RORA: variants seen among roughly 807,000 people sequenced by gnomAD.
The protein encoded by RORA is RAR related orphan receptor A, also known as nuclear receptor ROR-alpha.
A neutral mutation model predicts 69.5 loss-of-function variants in RORA; 7 were observed. The ratio of observed to expected loss-of-function variants is 0.10; its 90% confidence interval spans 0.06 to 0.19. The LOEUF (loss-of-function observed/expected upper bound fraction) is 0.19. Ranked by LOEUF, RORA falls within the 10% of genes least tolerant of loss-of-function variation. The probability of loss-of-function intolerance (pLI) is 1.00; values close to 1 mark genes in which losing one functional copy is unlikely to be tolerated. For synonymous variants in RORA, 261 were observed against 240.8 expected (o/e 1.08, Z -0.78); for missense variants, 457 against 663.0 (o/e 0.69, Z 3.41).
rs1018559394 is a variant in RORA at position 61,120,872 on chromosome 15, G to A, written c.166+108181C>T. Among the ~76,000 whole-genome samples, 2 of 150,792 alleles carry A rather than the reference G, an allele frequency of 1.3e-5. 1 individual carries two copies. Among genetic ancestry groups the A allele is most frequent in the Non-Finnish European group, 2.9e-5 (2 of 67,804 alleles). ...TTTTTATTATTTTTTTTTTGAGATC[G>A]AGTCTCGCTTTGTCTCCCAGGATGG... On this transcript the variant is annotated intron_variant, in intron 1 of 10. Transcript: ENST00000335670.
At chr15:60,659,574 T>C (rs919397479) in intron 2 of RORA, among the ~76,000 whole-genome samples, 2 of 152,194 alleles carry the variant, frequency 1.3e-5, no homozygotes, top group Non-Finnish European at 2.9e-5. Context: ...ATAATTTACA[T>C]AGCAATGCAT....
intron 1 of RORA, among the ~76,000 whole-genome samples, chr15:61,095,614 T>C (rs117013388): frequency 0.013 from 1,992 of 152,340 alleles, 20 homozygotes; most frequent in Non-Finnish European, 0.02. Flanking sequence ...ACACAAAATC[T>C]AAAAGTATAT....
Position 61,100,871 on chromosome 15 carries a change from T to C in RORA, c.166+128182A>G, listed in dbSNP as rs116088620. Among the ~76,000 whole-genome samples the C allele has an allele frequency of 9.0e-3, 1,365 of 152,304 alleles. 18 individuals carry two copies. The highest frequency in any genetic ancestry group is 0.032 in the African/African-American group (1,315 of 41,550). ...ATGTTGATTCTTACCAGCTTTAATT[T>C]CAGAAAATTATACTACCTGGAACAC... On this transcript the variant is annotated intron_variant, in intron 1 of 10. Coordinates refer to ENST00000335670, the MANE Select transcript of RORA (RefSeq NM_134261.3).
At chr15:60,501,615 G>A (rs956263837) in intron 8 of RORA, among the ~76,000 whole-genome samples, 1 of 152,166 alleles carries the variant, frequency 6.6e-6, no homozygotes, top group East Asian at 1.9e-4. Context: ...TATTCTAACT[G>A]ATATGTTAAA....
chr15:61,115,882 G>A (rs1032093110), intron 1 of RORA, among the ~76,000 whole-genome samples: 2 of 152,196 alleles, frequency 1.3e-5, no homozygotes, highest in Non-Finnish European at 2.9e-5. Flanking sequence ...GGTGAGTCAT[G>A]AGCTGTGTTT....
intron 1 of RORA, among the ~76,000 whole-genome samples, chr15:60,999,894 T>C (rs1894691858): frequency 6.6e-6 from 1 of 152,208 alleles, no homozygotes; most frequent in Non-Finnish European, 1.5e-5. Context: ...AAACAGACTT[T>C]GCATGTGAAA....
intron 1 of RORA, among the ~76,000 whole-genome samples, chr15:61,023,273 A>G (rs900249613): frequency 1.1e-4 from 16 of 150,864 alleles, no homozygotes; most frequent in African/African-American, 2.2e-4. Flanking sequence ...GAGACTGGGG[A>G]AAAAAAGAGG....
At chr15:60,977,376 A>T (rs1893906434) in intron 1 of RORA, among the ~76,000 whole-genome samples, 1 of 152,166 alleles carries the variant, frequency 6.6e-6, no homozygotes, top group Non-Finnish European at 1.5e-5. Flanking sequence ...ATGTTATGCT[A>T]AAAACAAATT....
chr15:60,957,330 A>G (rs971498534), intron 1 of RORA, among the ~76,000 whole-genome samples: 1 of 152,198 alleles, frequency 6.6e-6, no homozygotes. Context: ...CAGCAACCAC[A>G]TTCAGGAACT....
chr15:60,715,475 G>A (rs371931232), intron 1 of RORA, among the ~76,000 whole-genome samples: 2 of 152,150 alleles, frequency 1.3e-5, no homozygotes, highest in South Asian at 2.1e-4. Flanking sequence ...CATGACAGAC[G>A]TTCCTTGGAG....
At chr15:60,826,787 CTCTT>C (rs773442072) in intron 1 of RORA, among the ~76,000 whole-genome samples, 49 of 93,358 alleles carry the variant, frequency 5.2e-4, no homozygotes, top group Middle Eastern at 0.012. Context: ...CTCTCTCTCT[CTCTT>C]TTTTTTTTAA....
rs1412992922 is a variant in RORA, at chr15:60,489,541, T to C, written c.*7914A>G. On this transcript the variant is annotated 3_prime_UTR_variant, in exon 11 of 11. Coordinates refer to ENST00000335670, the MANE Select transcript of RORA (RefSeq NM_134261.3). ...AAACTTTGCTTTTCAATAATGCCAGTAGATCTTGGGAGAATGGGTAGAAAG... is the reference window on the plus strand; with the variant it reads ...AAACTTTGCTTTTCAATAATGCCAGCAGATCTTGGGAGAATGGGTAGAAAG... 20 of 152,366 alleles carry C rather than the reference T, an allele frequency of 1.3e-4. 1 individual carries two copies. Among genetic ancestry groups the C allele is most frequent in the African/African-American group, 3.4e-4 (14 of 41,592 alleles). The allele number at this position is 152,366 out of a possible 1,614,324, so 9.4% of individuals were successfully genotyped here.
At chr15:60,741,864 C>T (rs4476124) in intron 1 of RORA, among the ~76,000 whole-genome samples, 1 of 152,192 alleles carries the variant, frequency 6.6e-6, no homozygotes, top group Non-Finnish European at 1.5e-5. Context: ...ATGGCCACAG[C>T]TGATCCCCTC....
At chr15:61,003,135 CAA>C (rs1247223012) in intron 1 of RORA, among the ~76,000 whole-genome samples, 8 of 84,254 alleles carry the variant, frequency 9.5e-5, no homozygotes, top group Non-Finnish European at 5.0e-5. Flanking sequence ...GACTCAGTCT[CAA>C]AAAAAAAAAA....
intron 1 of RORA, among the ~76,000 whole-genome samples, chr15:61,227,261 T>C (rs960682962): frequency 2.7e-5 from 4 of 150,052 alleles, no homozygotes; most frequent in East Asian, 3.9e-4. Flanking sequence ...TTCTCCAGTG[T>C]TTCTGATTAA....
chr15:61,088,832 G>A (rs1032733463), intron 1 of RORA, among the ~76,000 whole-genome samples: 3 of 152,118 alleles, frequency 2.0e-5, no homozygotes, highest in Non-Finnish European at 2.9e-5. Flanking sequence ...AATAATGATG[G>A]AAGAAGCCAT....
At chr15:60,658,204 C>T (rs1459089585) in intron 2 of RORA, among the ~76,000 whole-genome samples, 2 of 152,234 alleles carry the variant, frequency 1.3e-5, no homozygotes, top group East Asian at 3.9e-4. Flanking sequence ...CCTCAGCCTC[C>T]TGAGTAGGTG....
intron 7 of RORA, among the ~76,000 whole-genome samples, chr15:60,503,281 C>T (rs2065387344): frequency 6.6e-6 from 1 of 152,066 alleles, no homozygotes; most frequent in Non-Finnish European, 1.5e-5. Context: ...ACAAAACACA[C>T]GTGATGGGAA....
intron 1 of RORA, among the ~76,000 whole-genome samples, chr15:61,134,542 C>T (rs896710112): frequency 6.6e-6 from 1 of 152,200 alleles, no homozygotes. Context: ...TTAGCCTTTA[C>T]TATTAACCCA....
Sources: gnomAD v4.1 joint callset for allele counts (sites outside exome capture counted in the v4.1 genomes callset) on GRCh38, gnomAD v4.1.1 for gene constraint, MANE v1.5 for transcripts, NCBI Gene and HGNC (gene_info 2026-07-23, HGNC 2026-07-21) for gene names.